MARCHF7: variants seen among roughly 807,000 people sequenced by gnomAD.
MARCHF7 encodes the protein E3 ubiquitin-protein ligase MARCHF7.
MARCHF7 carries 20 observed loss-of-function variants against 76.5 expected under a neutral mutation model. That is an observed-to-expected ratio of 0.26 (90% CI 0.18 to 0.38). The LOEUF (loss-of-function observed/expected upper bound fraction) is 0.38. MARCHF7 is among the 10% of genes least tolerant of loss of function. MARCHF7 has a pLI of 1.00. For missense variants in MARCHF7, 797 were observed against 812.9 expected, an observed-to-expected ratio of 0.98 and a Z score of 0.24; for synonymous variants, 295 against 293.0, an observed-to-expected ratio of 1.01 and a Z score of -0.07.
intron 3 of MARCHF7, among the ~76,000 whole-genome samples, chr2:159,726,220 T>A (rs1702145769): frequency 1.6e-3 from 1 of 608 alleles, no homozygotes; most frequent in African/African-American, 0.016. Flanking sequence ...CAGATACAGG[T>A]TTTGTTTTGT....
Position 159,734,172 on chromosome 2 carries a change from T to C in MARCHF7, c.153+4997T>C, listed in dbSNP as rs1383504773. Reference sequence around the variant, plus strand: ...TATTTGTGGATATGTAATTTTGTTTTGGTGTATTTTTCTGTAACTTTAAGG... The same window carrying C: ...TATTTGTGGATATGTAATTTTGTTTCGGTGTATTTTTCTGTAACTTTAAGG... On this transcript the variant is annotated intron_variant, in intron 4 of 11. Coordinates refer to ENST00000409175, the MANE Select transcript of MARCHF7 (RefSeq NM_001282805.2). 6.7e-6 allele frequency: 7 copies of C among 1,044,062 alleles called. No homozygotes were observed. The East Asian group carries it at 2.1e-4, about 31-fold the overall frequency. The allele number at this position is 1,044,062 out of a possible 1,614,324, so 64.7% of individuals were successfully genotyped here. A position where few individuals can be genotyped will look rare whatever the true frequency, so the allele number is the denominator to read the frequency against.
chr2:159,727,172 A>T (rs1163045668), intron 3 of MARCHF7, among the ~76,000 whole-genome samples: 1 of 152,250 alleles, frequency 6.6e-6, no homozygotes, highest in African/African-American at 2.4e-5. Context: ...ATATAGATGA[A>T]CTTTGAGAAC....
intron 7 of MARCHF7, among the ~76,000 whole-genome samples, chr2:159,751,819 G>A (rs945781707): frequency 1.3e-5 from 2 of 152,104 alleles, no homozygotes; most frequent in African/African-American, 4.8e-5. Context: ...GCGCCGAGGG[G>A]GCAGATGGAG....
At chr2:159,741,135 G>C (rs1228976197) in intron 4 of MARCHF7, among the ~76,000 whole-genome samples, 1 of 152,238 alleles carries the variant, frequency 6.6e-6, no homozygotes, top group Non-Finnish European at 1.5e-5. Flanking sequence ...AGCACTTTGA[G>C]ATGCTAAGGC....
rs1458177097 is a variant in MARCHF7, at chr2:159,770,297, C to G, written c.*2955C>G. The stretch of plus-strand genomic sequence containing the variant: ...TCAGAAATGTAAAGCTCTTACAGAG[C>G]ATGCTTGTGCTTGTGTAACAGCTGG... On this transcript the variant is annotated 3_prime_UTR_variant, in exon 12 of 12. Transcript: ENST00000409175. 1.3e-5 allele frequency: 2 copies of G among 152,194 alleles called. No individual in the cohort carries two copies. Among genetic ancestry groups the G allele is most frequent in the African/African-American group, 2.4e-5 (1 of 41,448 alleles). The allele number at this position is 152,194 out of a possible 1,614,324, so 9.4% of individuals were successfully genotyped here.
intron 2 of MARCHF7, among the ~76,000 whole-genome samples, chr2:159,715,372 A>C (rs1559985518): frequency 6.6e-6 from 1 of 151,924 alleles, no homozygotes; most frequent in Non-Finnish European, 1.5e-5. Context: ...GGGGGTAATA[A>C]TTTTGTGTGT....
At chr2:159,738,193 G>A (rs985533050) in intron 4 of MARCHF7, among the ~76,000 whole-genome samples, 2 of 152,202 alleles carry the variant, frequency 1.3e-5, no homozygotes, top group African/African-American at 4.8e-5. Context: ...GTGTACCACA[G>A]GCAGCAGCTT....
chr2:159,720,140 C>T (rs1019201890), intron 3 of MARCHF7, among the ~76,000 whole-genome samples: 6 of 152,166 alleles, frequency 3.9e-5, no homozygotes, highest in African/African-American at 1.2e-4. Flanking sequence ...ATTCTCCTTC[C>T]TCAGCCTCCC....
intron 4 of MARCHF7, among the ~76,000 whole-genome samples, chr2:159,731,295 A>G (rs562300753): frequency 2.6e-5 from 4 of 152,304 alleles, no homozygotes; most frequent in East Asian, 1.9e-4. Context: ...TACTATATAA[A>G]TGTTAGCTAC....
intron 8 of MARCHF7, among the ~76,000 whole-genome samples, chr2:159,758,547 C>T (rs1223281712): frequency 6.6e-6 from 1 of 152,188 alleles, no homozygotes; most frequent in Non-Finnish European, 1.5e-5. Context: ...CTTTCTGTCT[C>T]TGTGAATTTG....
chr2:159,754,731 C>T (rs1706079521), intron 8 of MARCHF7, among the ~76,000 whole-genome samples: 1 of 152,078 alleles, frequency 6.6e-6, no homozygotes, highest in Admixed American at 6.6e-5. Flanking sequence ...AGGATATTTC[C>T]TCTTCAGAAG....
At chr2:159,764,852 T>TA (rs1216478327) in intron 11 of MARCHF7, among the ~76,000 whole-genome samples, 178 bp downstream of exon 11, 1 of 151,848 alleles carries the variant, frequency 6.6e-6, no homozygotes, top group Non-Finnish European at 1.5e-5. Context: ...TGTTTTTTTT[T>TA]TTAAGCATAT....
intron 11 of MARCHF7, among the ~76,000 whole-genome samples, chr2:159,765,944 C>T (rs1303335064): frequency 1.3e-5 from 2 of 152,072 alleles, no homozygotes; most frequent in Non-Finnish European, 1.5e-5. Flanking sequence ...CTTTGTCCAA[C>T]GTCATGATAG....
chr2:159,764,789 G>T, intron 11 of MARCHF7, 115 bp downstream of exon 11: 1 of 559,438 alleles, frequency 1.8e-6, no homozygotes, highest in Non-Finnish European at 3.0e-6. Flanking sequence ...TATAGGCTTA[G>T]TAATACCAAA....
intron 6 of MARCHF7, among the ~76,000 whole-genome samples, chr2:159,747,185 G>A (rs1574363496): frequency 6.6e-6 from 1 of 152,012 alleles, no homozygotes; most frequent in Admixed American, 6.5e-5. Context: ...CTGATTCATA[G>A]TTCCTAGCCA....
intron 4 of MARCHF7, among the ~76,000 whole-genome samples, chr2:159,740,907 G>A (rs2357531): frequency 0.34 from 52,077 of 151,696 alleles, 9,077 homozygotes; most frequent in South Asian, 0.44. Context: ...GCTGGGTGCA[G>A]TGCCTCATGC....
intron 4 of MARCHF7, among the ~76,000 whole-genome samples, chr2:159,735,340 A>C (rs1388154067): frequency 1.3e-5 from 2 of 152,228 alleles, no homozygotes; most frequent in Non-Finnish European, 2.9e-5. Flanking sequence ...ATTTGCAAGT[A>C]TCTTTAAAGT....
intron 3 of MARCHF7, among the ~76,000 whole-genome samples, chr2:159,725,250 A>G (rs1207764920): frequency 2.6e-5 from 4 of 152,224 alleles, no homozygotes; most frequent in Admixed American, 2.6e-4. Flanking sequence ...TCCTTGAGGA[A>G]TCGCCACACT....
At position 159,768,551 on chromosome 2, in the gene MARCHF7, A is replaced by C. The variant is rs1237858592; in HGVS notation, c.*1209A>C. 2.6e-5 allele frequency: 4 copies of C among 152,630 alleles called. No homozygotes were observed. The highest frequency in any genetic ancestry group is 9.6e-5 in the African/African-American group (4 of 41,456). 9.5% of individuals were successfully genotyped at this position (152,630 alleles called of 1,614,324 possible). A position where few individuals can be genotyped will look rare whatever the true frequency, so the allele number is the denominator to read the frequency against. On this transcript the variant is annotated 3_prime_UTR_variant, in exon 12 of 12. Transcript: ENST00000409175. ...TTGGTCTTATGTAAAACATTGGCTCAAAATAAAGTACACACTGATTTATTT... is the reference window on the plus strand; with the variant it reads ...TTGGTCTTATGTAAAACATTGGCTCCAAATAAAGTACACACTGATTTATTT...
Sources: gnomAD v4.1 joint callset for allele counts (sites outside exome capture counted in the v4.1 genomes callset) on GRCh38, gnomAD v4.1.1 for gene constraint, MANE v1.5 for transcripts, NCBI Gene and HGNC (gene_info 2026-07-23, HGNC 2026-07-21) for gene names.